SCHIP1: variants seen among roughly 807,000 people sequenced by gnomAD.
SCHIP1 encodes the protein schwannomin-interacting protein 1.
Under a neutral mutation model 29.7 loss-of-function variants are expected in SCHIP1, and 8 were observed. That is an observed-to-expected ratio of 0.27 (90% CI 0.16 to 0.49). The LOEUF is 0.49. SCHIP1 is among the 20% of genes least tolerant of loss of function. The pLI is 0.99. For missense variants in SCHIP1, 193 were observed against 294.6 expected, an observed-to-expected ratio of 0.66 and a Z score of 2.52; for synonymous variants, 76 against 94.9, an observed-to-expected ratio of 0.80 and a Z score of 1.16.
the SCHIP1 span, among the ~76,000 whole-genome samples, chr3:159,359,554 A>G: frequency 3.9e-5 from 6 of 152,368 alleles, no homozygotes; most frequent in East Asian, 9.6e-4. Flanking sequence ...CATGTTAAAG[A>G]TAAGTGTTAT....
chr3:159,813,137 T>C, the SCHIP1 span, among the ~76,000 whole-genome samples: 1 of 152,168 alleles, frequency 6.6e-6, no homozygotes, highest in Non-Finnish European at 1.5e-5. Flanking sequence ...AGCTTCAACA[T>C]GAGTTTTGGA....
upstream of SCHIP1, among the ~76,000 whole-genome samples, chr3:159,836,907 A>G (rs1743716916): frequency 6.6e-6 from 1 of 152,254 alleles, no homozygotes; most frequent in African/African-American, 2.4e-5. Flanking sequence ...AAATTATAAC[A>G]CAAAGTTGTT....
chr3:159,359,524 G>A, the SCHIP1 span, among the ~76,000 whole-genome samples: 1 of 152,158 alleles, frequency 6.6e-6, no homozygotes, highest in African/African-American at 2.4e-5. Flanking sequence ...AGATAAAAGT[G>A]TTTGGTAAAT....
At chr3:159,374,770 T>C in the SCHIP1 span, among the ~76,000 whole-genome samples, 7 of 152,162 alleles carry the variant, frequency 4.6e-5, no homozygotes, top group Admixed American at 2.6e-4. Flanking sequence ...AAGTATCTAT[T>C]TGGTTCCAGA....
At chr3:159,765,396 C>T in the SCHIP1 span, 26,477 of 443,552 alleles carry the variant, frequency 0.06, 1,036 homozygotes, top group Middle Eastern at 0.11. Context: ...GTTAGTGGAA[C>T]CGGCGACTCA....
the SCHIP1 span, among the ~76,000 whole-genome samples, chr3:159,800,549 G>T: frequency 6.6e-6 from 1 of 152,322 alleles, no homozygotes; most frequent in South Asian, 2.1e-4. Context: ...TGGGTCTGAG[G>T]AACAGTGACC....
chr3:159,484,539 T>A, the SCHIP1 span, among the ~76,000 whole-genome samples: 1 of 152,118 alleles, frequency 6.6e-6, no homozygotes, highest in East Asian at 1.9e-4. Flanking sequence ...TATGTCATTA[T>A]GTGGCAGGAG....
chr3:159,889,271 G>A (rs1717254319), intron 5 of SCHIP1, among the ~76,000 whole-genome samples: 1 of 152,206 alleles, frequency 6.6e-6, no homozygotes, highest in African/African-American at 2.4e-5. Context: ...TGCTATACAA[G>A]TATACTTTCT....
At chr3:159,578,239 G>A in the SCHIP1 span, among the ~76,000 whole-genome samples, 64 of 152,244 alleles carry the variant, frequency 4.2e-4, no homozygotes, top group Middle Eastern at 3.4e-3. Context: ...GTCACACATG[G>A]CAATTGTACA....
chr3:159,512,314 A>G, the SCHIP1 span, among the ~76,000 whole-genome samples: 55 of 152,344 alleles, frequency 3.6e-4, no homozygotes, highest in African/African-American at 1.3e-3. Flanking sequence ...TATACCCATT[A>G]GACTGGCAGT....
chr3:159,649,748 C>T, the SCHIP1 span, among the ~76,000 whole-genome samples: 1 of 152,082 alleles, frequency 6.6e-6, no homozygotes, highest in African/African-American at 2.4e-5. Context: ...GGTTGAAGTG[C>T]CTTTCAGGAA....
chr3:159,598,059 G>T, the SCHIP1 span, among the ~76,000 whole-genome samples: 1 of 152,098 alleles, frequency 6.6e-6, no homozygotes, highest in Non-Finnish European at 1.5e-5. Context: ...CACAAGAACA[G>T]CATGGGGAAA....
chr3:159,453,766 C>T, the SCHIP1 span, among the ~76,000 whole-genome samples: 2 of 152,184 alleles, frequency 1.3e-5, no homozygotes, highest in Admixed American at 6.5e-5. Context: ...TTCCTTTAAA[C>T]CACCCACCTA....
At chr3:159,805,878 G>C in the SCHIP1 span, among the ~76,000 whole-genome samples, 4 of 149,186 alleles carry the variant, frequency 2.7e-5, no homozygotes, top group Admixed American at 1.3e-4. Flanking sequence ...GAGCGATCTC[G>C]GCTCACTGCA....
At chr3:159,287,379 G>A in the SCHIP1 span, among the ~76,000 whole-genome samples, 1 of 151,582 alleles carries the variant, frequency 6.6e-6, no homozygotes, top group Non-Finnish European at 1.5e-5. Flanking sequence ...TGTTTTTGGG[G>A]CACTTGTGCA....
chr3:159,546,122 G>C, the SCHIP1 span, among the ~76,000 whole-genome samples: 1 of 151,866 alleles, frequency 6.6e-6, no homozygotes. Flanking sequence ...TAATTCTAAT[G>C]GTTAATCAGT....
At chr3:159,539,702 G>A in the SCHIP1 span, among the ~76,000 whole-genome samples, 46 of 135,522 alleles carry the variant, frequency 3.4e-4, 7 homozygotes, top group African/African-American at 9.4e-4. Context: ...CCATTTTGAC[G>A]GTATCTACTG....
chr3:159,633,046 T>C, the SCHIP1 span, among the ~76,000 whole-genome samples: 1 of 152,210 alleles, frequency 6.6e-6, no homozygotes, highest in East Asian at 1.9e-4. Flanking sequence ...AGAAAACTTA[T>C]GGCCACACCC....
chr3:159,896,033 C>A (rs1020564968), intron 6 of SCHIP1, among the ~76,000 whole-genome samples: 4 of 152,204 alleles, frequency 2.6e-5, no homozygotes, highest in Admixed American at 6.5e-5. Context: ...CTCACCCTAT[C>A]CTCACTGCCA....
Sources: gnomAD v4.1 joint callset for allele counts (sites outside exome capture counted in the v4.1 genomes callset) on GRCh38, gnomAD v4.1.1 for gene constraint, MANE v1.5 for transcripts, NCBI Gene and HGNC (gene_info 2026-07-23, HGNC 2026-07-21) for gene names.